Variants in MTDH observed in about 807,000 individuals in gnomAD.
MTDH encodes the protein protein LYRIC.
A neutral mutation model predicts 72.7 loss-of-function variants in MTDH; 34 were observed. The observed-to-expected ratio is 0.47, with a 90% CI of 0.36 to 0.62. MTDH has a LOEUF of 0.62. Ranked by LOEUF, MTDH falls within the 20% of genes least tolerant of loss-of-function variation. The pLI is 0.00. For missense variants in MTDH, 677 were observed against 699.4 expected (o/e 0.97, Z 0.36); for synonymous variants, 266 against 268.9 (o/e 0.99, Z 0.10).
chr8:97,707,111 A>G (rs901684480), intron 8 of MTDH, among the ~76,000 whole-genome samples: 6 of 151,350 alleles, frequency 4.0e-5, no homozygotes, highest in African/African-American at 1.5e-4. Context: ...TTGTATTTTA[A>G]TGATAGGGAG....
chr8:97,689,297 C>T lies in MTDH; in HGVS notation c.811+194C>T, dbSNP rs117887239. Among the ~76,000 whole-genome samples, 1,470 of 152,208 alleles carry T rather than the reference C, an allele frequency of 9.7e-3. 60 individuals carry two copies. The highest frequency in any genetic ancestry group is 0.066 in the Admixed American group (1,004 of 15,280). On this transcript the variant is annotated intron_variant, in intron 5 of 11. Coordinates refer to ENST00000336273, the MANE Select transcript of MTDH (RefSeq NM_178812.4). ...AAAGAAAAATCACACCCACTTCTAA[C>T]GATCTTTGATATGTTCTAGTCTTTT...
chr8:97,654,332 C>G (rs982122008), intron 1 of MTDH, among the ~76,000 whole-genome samples: 1 of 152,122 alleles, frequency 6.6e-6, no homozygotes, highest in East Asian at 1.9e-4. Context: ...AATGTTTTTA[C>G]TTTCAAACAA....
intron 2 of MTDH, among the ~76,000 whole-genome samples, chr8:97,667,964 T>C (rs1207244912): frequency 2.0e-5 from 3 of 151,752 alleles, no homozygotes; most frequent in Admixed American, 6.6e-5. Context: ...TTAAAAAATA[T>C]ATGTTGTTTA....
intron 7 of MTDH, among the ~76,000 whole-genome samples, chr8:97,703,142 A>G (rs148178324): frequency 1.3e-5 from 2 of 152,236 alleles, no homozygotes; most frequent in East Asian, 3.9e-4. Context: ...AGGTGCAAGG[A>G]TTTCTTGAGC....
intron 1 of MTDH, among the ~76,000 whole-genome samples, chr8:97,646,545 A>T (rs1285952296): frequency 6.6e-6 from 1 of 152,204 alleles, no homozygotes; most frequent in Non-Finnish European, 1.5e-5. Context: ...TCAAAGCCCT[A>T]TTTGGGACAT....
chr8:97,644,350 C>A lies in MTDH; in HGVS notation c.-157C>A. ...CTGGGAGACCCCTCCGCCCTCCCCG[C>A]GGTGGCAGCGGCCGATCCCCGGCTC... On this transcript the variant is annotated 5_prime_UTR_variant, in exon 1 of 12. Coordinates refer to ENST00000336273, the MANE Select transcript of MTDH (RefSeq NM_178812.4). 1.0e-6 allele frequency: 1 copy of A among 992,280 alleles called. No homozygotes were observed. The highest frequency in any genetic ancestry group is 1.4e-6 in the Non-Finnish European group (1 of 714,980). The allele number at this position is 992,280 out of a possible 1,614,324, so 61.5% of individuals were successfully genotyped here.
At chr8:97,703,641 G>A (rs1421448113) in intron 7 of MTDH, among the ~76,000 whole-genome samples, 1 of 152,208 alleles carries the variant, frequency 6.6e-6, no homozygotes, top group Non-Finnish European at 1.5e-5. Flanking sequence ...GGTATAAGAT[G>A]AGTAGTTGGT....
rs1361024287 is a variant in MTDH at position 97,728,223 on chromosome 8, A to G, written c.*3553A>G. 2.0e-5 allele frequency: 3 copies of G among 152,204 alleles called. No individual in the cohort carries two copies. Among genetic ancestry groups the G allele is most frequent in the Non-Finnish European group, 4.4e-5 (3 of 68,038 alleles). The allele number at this position is 152,204 out of a possible 1,614,324, so 9.4% of individuals were successfully genotyped here. ...TAGGGAATGCAAATATGTTACTCATAAGATGCATTGAGTATTGTAAATAAA... is the reference window on the plus strand; with the variant it reads ...TAGGGAATGCAAATATGTTACTCATGAGATGCATTGAGTATTGTAAATAAA... On this transcript the variant is annotated 3_prime_UTR_variant, in exon 12 of 12. Transcript: ENST00000336273.
intron 7 of MTDH, among the ~76,000 whole-genome samples, chr8:97,700,536 A>G (rs530670501): frequency 1.3e-5 from 2 of 152,138 alleles, no homozygotes; most frequent in Admixed American, 6.6e-5. Flanking sequence ...GGGGACTAGC[A>G]CTCTTTCATA....
chr8:97,681,491 C>CTTTTTTTTTTTTTT (rs35262209), intron 2 of MTDH, among the ~76,000 whole-genome samples: 1 of 108,868 alleles, frequency 9.2e-6, no homozygotes, highest in African/African-American at 3.5e-5. Context: ...AGAATTTTTT[C>CTTTTTTTTTTTTTT]TTTTTTTTTT....
At chr8:97,693,940 CTT>C (rs1813720868) in intron 6 of MTDH, among the ~76,000 whole-genome samples, 1 of 152,048 alleles carries the variant, frequency 6.6e-6, no homozygotes, top group Admixed American at 6.6e-5. Context: ...GTCTCAAACT[CTT>C]GGGCTCAAGT....
chr8:97,674,947 A>T (rs1812779644), intron 2 of MTDH, among the ~76,000 whole-genome samples: 1 of 152,076 alleles, frequency 6.6e-6, no homozygotes, highest in Non-Finnish European at 1.5e-5. Context: ...AGTAGCTGGG[A>T]CTACAGGCAT....
intron 2 of MTDH, among the ~76,000 whole-genome samples, chr8:97,685,739 G>A (rs1375430763): frequency 1.3e-5 from 2 of 150,454 alleles, no homozygotes; most frequent in Non-Finnish European, 2.9e-5. Context: ...CAGCCTGGGT[G>A]ACAGAGCAAG....
chr8:97,684,884 G>C (rs532397004), intron 2 of MTDH, among the ~76,000 whole-genome samples: 13 of 152,246 alleles, frequency 8.5e-5, no homozygotes, highest in African/African-American at 3.1e-4. Flanking sequence ...TGGCTGACAT[G>C]GTGAAATCCC....
At chr8:97,698,482 A>C (rs1389231434) in intron 6 of MTDH, among the ~76,000 whole-genome samples, 1 of 152,230 alleles carries the variant, frequency 6.6e-6, no homozygotes, top group Non-Finnish European at 1.5e-5. Context: ...TCAGGTTCCT[A>C]AAAGACTATG....
At chr8:97,661,008 T>C in intron 1 of MTDH, 64 bp from the exon 2 acceptor site, 1 of 1,313,138 alleles carries the variant, frequency 7.6e-7, no homozygotes. Flanking sequence ...GTTTCCTGCG[T>C]ATAAATCTTT....
intron 9 of MTDH, among the ~76,000 whole-genome samples, chr8:97,717,296 G>T (rs185759223): frequency 1.4e-4 from 21 of 152,276 alleles, no homozygotes; most frequent in Non-Finnish European, 2.4e-4. Flanking sequence ...ATTTGCCAAA[G>T]AAAAATACAG....
chr8:97,682,809 G>T (rs1813189547), intron 2 of MTDH, among the ~76,000 whole-genome samples: 1 of 151,392 alleles, frequency 6.6e-6, no homozygotes, highest in Non-Finnish European at 1.5e-5. Context: ...TTCACCTTTT[G>T]TTTTAATTCT....
intron 2 of MTDH, among the ~76,000 whole-genome samples, chr8:97,671,967 C>A (rs1812643135): frequency 6.6e-6 from 1 of 152,146 alleles, no homozygotes; most frequent in Non-Finnish European, 1.5e-5. Flanking sequence ...AAGTCAAAAA[C>A]AAAATAATTT....
Sources: gnomAD v4.1 joint callset for allele counts (sites outside exome capture counted in the v4.1 genomes callset) on GRCh38, gnomAD v4.1.1 for gene constraint, MANE v1.5 for transcripts, NCBI Gene and HGNC (gene_info 2026-07-23, HGNC 2026-07-21) for gene names.